The following SRGAP3 variants were observed in gnomAD, a reference collection of about 807,000 sequenced individuals.
SRGAP3 encodes the protein SLIT-ROBO Rho GTPase activating protein 3.
In SRGAP3, 39 loss-of-function variants were observed where a neutral mutation model predicts 121.1. The ratio of observed to expected loss-of-function variants is 0.32; its 90% CI spans 0.25 to 0.42. The LOEUF (loss-of-function observed/expected upper bound fraction) is 0.42. SRGAP3 is among the 10% of genes least tolerant of loss of function. The pLI is 1.00. For synonymous variants in SRGAP3, 601 were observed against 570.0 expected (o/e 1.05, Z -0.77); for missense variants, 1,213 against 1,470.6 (o/e 0.82, Z 2.86).
chr3:9,175,819 A>G (rs1951159922), intron 1 of SRGAP3, among the ~76,000 whole-genome samples: 1 of 152,256 alleles, frequency 6.6e-6, no homozygotes. Context: ...CTCCGTTATC[A>G]GCAAAGGTGA....
At chr3:9,293,103 T>G (rs185482185) in intron 3 of SRGAP3, 1 of 149,786 alleles carries the variant, frequency 6.7e-6, no homozygotes, top group Non-Finnish European at 1.5e-5. Context: ...ATATCACAAT[T>G]GCATCCAGGG....
intron 5 of SRGAP3, among the ~76,000 whole-genome samples, chr3:9,063,209 T>G (rs777032135): frequency 6.9e-6 from 1 of 145,896 alleles, no homozygotes; most frequent in Non-Finnish European, 1.5e-5. Flanking sequence ...CATGGCTCAC[T>G]GCAGCCTTGA....
intron 1 of SRGAP3, among the ~76,000 whole-genome samples, chr3:9,158,044 T>C (rs796527918): frequency 1.1e-4 from 17 of 152,368 alleles, no homozygotes; most frequent in African/African-American, 4.1e-4. Context: ...CAAGAAGTAC[T>C]GCCCCTGGCT....
At chr3:9,027,469 G>A (rs1944274461) in intron 12 of SRGAP3, among the ~76,000 whole-genome samples, 2 of 152,194 alleles carry the variant, frequency 1.3e-5, no homozygotes, top group South Asian at 4.1e-4. Context: ...CTGGCCCCTG[G>A]TGGAAATTTT....
At chr3:9,082,064 G>A (rs931146481) in intron 3 of SRGAP3, among the ~76,000 whole-genome samples, 1 of 152,194 alleles carries the variant, frequency 6.6e-6, no homozygotes, top group African/African-American at 2.4e-5. Context: ...GGAGATGTTT[G>A]CATCATGGGG....
chr3:9,058,713 T>G, intron 6 of SRGAP3: 1 of 361,726 alleles, frequency 2.8e-6, no homozygotes, highest in Non-Finnish European at 4.9e-6. Flanking sequence ...TTTCTCTCTC[T>G]CTTTTTTTTT....
At chr3:9,166,888 T>C (rs1483899518) in intron 1 of SRGAP3, among the ~76,000 whole-genome samples, 2 of 152,140 alleles carry the variant, frequency 1.3e-5, no homozygotes, top group African/African-American at 2.4e-5. Flanking sequence ...CCATCCCTTC[T>C]TAGAACTTAC....
intron 1 of SRGAP3, among the ~76,000 whole-genome samples, chr3:9,141,839 T>C (rs756750478): frequency 3.2e-4 from 48 of 152,314 alleles, no homozygotes; most frequent in African/African-American, 9.1e-4. Flanking sequence ...CTCTCTGCCT[T>C]TGAGGATAGA....
intron 3 of SRGAP3, among the ~76,000 whole-genome samples, chr3:9,094,255 A>T (rs1947877680): frequency 6.6e-6 from 1 of 152,016 alleles, no homozygotes; most frequent in Non-Finnish European, 1.5e-5. Flanking sequence ...TACTTTTTTC[A>T]CCCAACATTA....
At chr3:9,271,658 G>A (rs796560504) in intron 3 of SRGAP3, among the ~76,000 whole-genome samples, 15 of 152,266 alleles carry the variant, frequency 9.9e-5, no homozygotes, top group African/African-American at 3.6e-4. Flanking sequence ...CTGTTCTCCA[G>A]GGAACCCAAC....
At chr3:9,299,205 C>CA (rs1232926381) in intron 3 of SRGAP3, among the ~76,000 whole-genome samples, 1 of 150,746 alleles carries the variant, frequency 6.6e-6, no homozygotes, top group East Asian at 2.0e-4. Flanking sequence ...TACTAAAATA[C>CA]AAAAAATTAG....
At chr3:9,325,519 T>C (rs563327914) in intron 3 of SRGAP3, among the ~76,000 whole-genome samples, 4 of 152,086 alleles carry the variant, frequency 2.6e-5, no homozygotes, top group African/African-American at 9.6e-5. Context: ...TTATGTATGA[T>C]GGCCTTTAAA....
intron 1 of SRGAP3, among the ~76,000 whole-genome samples, chr3:9,223,146 C>T (rs758833187): frequency 3.9e-5 from 6 of 152,182 alleles, no homozygotes; most frequent in Non-Finnish European, 7.4e-5. Flanking sequence ...TGGCCTACAG[C>T]CTATGTTTGG....
chr3:9,262,776 A>G (rs2125256831), intron 3 of SRGAP3, among the ~76,000 whole-genome samples: 1 of 152,248 alleles, frequency 6.6e-6, no homozygotes, highest in African/African-American at 2.4e-5. Flanking sequence ...ATAGTGGGAG[A>G]CTTTAACACC....
chr3:9,122,861 G>A (rs1252771651), intron 2 of SRGAP3, among the ~76,000 whole-genome samples: 1 of 152,198 alleles, frequency 6.6e-6, no homozygotes, highest in Non-Finnish European at 1.5e-5. Flanking sequence ...GAAGTGTTTA[G>A]AGGAGTTTAA....
At chr3:9,055,953 G>C (rs1335754654) in intron 8 of SRGAP3, among the ~76,000 whole-genome samples, 1 of 152,176 alleles carries the variant, frequency 6.6e-6, no homozygotes, top group Non-Finnish European at 1.5e-5. Flanking sequence ...AGGCTAGAGT[G>C]CAGTGGCGTG....
Position 9,058,563 on chromosome 3 carries a change from C to G in SRGAP3, c.802-91G>C, listed in dbSNP as rs948238777. 5.3e-6 allele frequency: 7 copies of G among 1,322,512 alleles called. No individual in the cohort carries two copies. In the Admixed American group the frequency reaches 1.0e-4, roughly 20 times the overall value. The allele number at this position is 1,322,512 out of a possible 1,614,324, so 81.9% of individuals were successfully genotyped here. A position where few individuals can be genotyped will look rare whatever the true frequency, so the allele number is the denominator to read the frequency against. ...CACCACAGTGACTTACAATTACCTC[C>G]CTTTCCACAGCCGAATCTTCCATCC... On this transcript the variant is annotated intron_variant, in intron 6 of 21. Coordinates refer to ENST00000383836, the MANE Select transcript of SRGAP3 (RefSeq NM_014850.4).
At chr3:9,028,052 C>T in intron 12 of SRGAP3, 1 of 1,611,756 alleles carries the variant, frequency 6.2e-7, no homozygotes, top group Non-Finnish European at 8.5e-7. Context: ...GCACTAAAGA[C>T]AGTTTCCATC....
chr3:9,276,921 C>A (rs1399004988), intron 3 of SRGAP3, among the ~76,000 whole-genome samples: 1 of 152,248 alleles, frequency 6.6e-6, no homozygotes, highest in Admixed American at 6.5e-5. Context: ...GCGCTCAGCA[C>A]TGAGCTAGGT....
Sources: allele counts gnomAD v4.1 joint callset (sites outside exome capture counted in the v4.1 genomes callset), GRCh38; gene constraint gnomAD v4.1.1; transcripts MANE v1.5; gene names NCBI Gene and HGNC (gene_info 2026-07-23, HGNC 2026-07-21).